CDS2: variants seen among roughly 807,000 people sequenced by gnomAD.
CDS2 encodes phosphatidate cytidylyltransferase 2.
Under a neutral mutation model 59.0 loss-of-function variants are expected in CDS2, and 47 were observed. The observed-to-expected ratio is 0.80, with a 90% confidence interval of 0.63 to 1.02. The LOEUF (loss-of-function observed/expected upper bound fraction) is 1.02, where lower values mean the gene tolerates loss of function less well. Among genes scored for constraint, CDS2 ranks in the 50% least tolerant of loss-of-function variants. The pLI is 0.00. For missense variants in CDS2, 356 were observed against 558.9 expected (o/e 0.64, Z 3.66); for synonymous variants, 207 against 206.4 (o/e 1.00, Z -0.02).
rs563423172 is a variant in CDS2 at position 5,147,839 on chromosome 20, C to T, written c.57+20690C>T. 2.0e-4 allele frequency among the ~76,000 whole-genome samples: 31 copies of T among 152,238 alleles called. No homozygotes were observed. The South Asian group carries it at 3.3e-3, about 16-fold the overall frequency. On this transcript the variant is annotated intron_variant, in intron 1 of 12. Transcript: ENST00000460006. ...GACTATAGTGGCACACCATTGCACC[C>T]GGCAGGGCACACTTTTCTAAAAGTA...
At chr20:5,186,050 A>G (rs983931860) in intron 9 of CDS2, among the ~76,000 whole-genome samples, 12 of 152,248 alleles carry the variant, frequency 7.9e-5, no homozygotes, top group African/African-American at 2.9e-4. Context: ...GCGCCCAGGC[A>G]TGGTGACATC....
chr20:5,135,299 T>C (rs1396083027), intron 1 of CDS2, among the ~76,000 whole-genome samples: 3 of 152,214 alleles, frequency 2.0e-5, no homozygotes, highest in Admixed American at 1.3e-4. Context: ...TTACTGTTTC[T>C]GGTTTTCACA....
chr20:5,184,015 G>A lies in CDS2; in HGVS notation c.672-843G>A, dbSNP rs931964224. 1.3e-5 allele frequency among the ~76,000 whole-genome samples: 2 copies of A among 152,098 alleles called. No homozygotes were observed. The highest frequency in any genetic ancestry group is 4.8e-5 in the African/African-American group (2 of 41,418). The stretch of plus-strand genomic sequence containing the variant: ...CTACTAAAAATACAAAAAAATAGCT[G>A]GTGTGGTGGCGTGGCAGGTGCCTGT... On this transcript the variant is annotated intron_variant, in intron 7 of 12. Transcript: ENST00000460006. The surrounding 1 kb of genome is among the most constrained non-coding windows in gnomAD (Gnocchi z 4.3).
intron 1 of CDS2, among the ~76,000 whole-genome samples, chr20:5,171,776 C>T (rs945949753): frequency 8.5e-5 from 13 of 152,112 alleles, no homozygotes; most frequent in African/African-American, 2.9e-4. Context: ...AAGGTGAAGA[C>T]GCCAAAGTAC....
In CDS2 at chr20:5,195,959, TG is replaced by T. The variant is rs576116591; in HGVS notation, c.*5729del. On this transcript the variant is annotated 3_prime_UTR_variant, in exon 13 of 13. Coordinates refer to ENST00000460006, the MANE Select transcript of CDS2 (RefSeq NM_003818.4). Reference sequence around the variant, plus strand: ...AGTTTTCTGAATGGGGGTGGGGAGTTGGGGCACGTGTGTGTAAGGGGAGGCT... The same window carrying T: ...AGTTTTCTGAATGGGGGTGGGGAGTTGGGCACGTGTGTGTAAGGGGAGGCT... The T allele has an allele frequency of 2.6e-5, 4 of 151,678 alleles. No individual in the cohort carries two copies. Among genetic ancestry groups the T allele is most frequent in the African/African-American group, 9.7e-5 (4 of 41,274 alleles). The allele number at this position is 151,678 out of a possible 1,614,324, so 9.4% of individuals were successfully genotyped here.
intron 1 of CDS2, among the ~76,000 whole-genome samples, chr20:5,146,141 T>C (rs1214614880): frequency 1.3e-5 from 2 of 152,208 alleles, no homozygotes; most frequent in African/African-American, 4.8e-5. Context: ...GAAACTGAGC[T>C]GGCATTACAA....
At chr20:5,178,213 G>A (rs1045444162) in intron 4 of CDS2, among the ~76,000 whole-genome samples, 2 of 152,228 alleles carry the variant, frequency 1.3e-5, no homozygotes, top group African/African-American at 4.8e-5. Context: ...CCAGGCTTCA[G>A]AGAGGCAGAT....
At chr20:5,158,025 G>GT (rs1160719464) in intron 1 of CDS2, among the ~76,000 whole-genome samples, 4 of 152,140 alleles carry the variant, frequency 2.6e-5, no homozygotes, top group East Asian at 1.9e-4. Flanking sequence ...AACATTATGA[G>GT]TTTTTTGTTT....
At chr20:5,166,687 AAG>A (rs1172997590) in intron 1 of CDS2, among the ~76,000 whole-genome samples, 2 of 152,122 alleles carry the variant, frequency 1.3e-5, no homozygotes, top group Non-Finnish European at 2.9e-5. Context: ...AAGCCAGAGG[AAG>A]AGTGTTTTTC....
chr20:5,157,223 C>A (rs191640568), intron 1 of CDS2, among the ~76,000 whole-genome samples: 3 of 152,106 alleles, frequency 2.0e-5, no homozygotes, highest in Non-Finnish European at 4.4e-5. Context: ...TTTCAGGAAA[C>A]GGTTTTCTGA....
At chr20:5,180,040 C>T (rs2091022329) in intron 5 of CDS2, among the ~76,000 whole-genome samples, 1 of 152,202 alleles carries the variant, frequency 6.6e-6, no homozygotes, top group Admixed American at 6.5e-5. Flanking sequence ...AGAGAGTATG[C>T]TGCAGACCCC....
In CDS2 at chr20:5,190,220, A is replaced by T. The variant is rs765216963; in HGVS notation, c.1324A>T (p.Thr442Ser). ...LIDKGMLTST[T>S]EDE The stretch of plus-strand genomic sequence containing the variant: ...CGACAAAGGGATGCTGACATCCACC[A>T]CAGAGGACGAGTAGGGGCCACCCAG... Residue 442 changes from threonine (T) to serine (S), a missense_variant, in exon 13 of 13, where the codon ACA becomes TCA. Thr to Ser is a moderately conservative substitution (Grantham distance 58). Transcript: ENST00000460006. 103 of 1,613,816 alleles carry T rather than the reference A, an allele frequency of 6.4e-5. No homozygotes were observed. The highest frequency in any genetic ancestry group is 8.6e-5 in the Non-Finnish European group (101 of 1,179,952).
At chr20:5,163,952 G>A (rs1308114784) in intron 1 of CDS2, among the ~76,000 whole-genome samples, 3 of 151,712 alleles carry the variant, frequency 2.0e-5, no homozygotes, top group African/African-American at 7.3e-5. Flanking sequence ...CACCACGCCT[G>A]GATAATTTTT....
At chr20:5,190,072 T>C in intron 12 of CDS2, 30 bp from the exon 13 acceptor site, 1 of 1,611,300 alleles carries the variant, frequency 6.2e-7, no homozygotes, top group Middle Eastern at 1.7e-4. Context: ...GGGCCCTAGC[T>C]CAGTGCTGTT....
At chr20:5,138,212 A>G (rs778175825) in intron 1 of CDS2, among the ~76,000 whole-genome samples, 192 of 150,912 alleles carry the variant, frequency 1.3e-3, no homozygotes, top group Non-Finnish European at 9.6e-4. Context: ...TCAGCCTCCT[A>G]AAGTGCTGGG....
chr20:5,156,495 G>A (rs1025914179), intron 1 of CDS2, among the ~76,000 whole-genome samples: 1 of 152,094 alleles, frequency 6.6e-6, no homozygotes, highest in Non-Finnish European at 1.5e-5. Flanking sequence ...GAATGGCAGG[G>A]TCAGCTCACT....
At position 5,185,774 on chromosome 20, in the gene CDS2, C is replaced by T; in HGVS notation, c.776C>T (p.Thr259Ile). The change falls in exon 9 of 13, where the codon ACC (threonine) becomes ATC (isoleucine). Residue 259 changes from threonine (T) to isoleucine (I), a missense_variant. Thr to Ile is a moderately conservative substitution (Grantham distance 89). This residue lies in a region of CDS2 where 87 missense variants were observed against 193.3 expected (regional missense o/e 0.45). Coordinates refer to ENST00000460006, the MANE Select transcript of CDS2 (RefSeq NM_003818.4). Reference protein sequence around the residue: ...TPLIKLSPKKTWEGFIGGFFA... With the variant: ...TPLIKLSPKKIWEGFIGGFFA... ...TGTCCACAGCTGTCCCCGAAGAAGACCTGGGAAGGCTTCATTGGGGGCTTC... is the reference window on the plus strand; with the variant it reads ...TGTCCACAGCTGTCCCCGAAGAAGATCTGGGAAGGCTTCATTGGGGGCTTC... The T allele has an allele frequency of 6.2e-7, 1 of 1,614,204 alleles. No individual in the cohort carries two copies. Among genetic ancestry groups the T allele is most frequent in the Non-Finnish European group, 8.5e-7 (1 of 1,180,014 alleles).
At chr20:5,183,659 GGA>G (rs746580717) in intron 7 of CDS2, among the ~76,000 whole-genome samples, 1 of 152,198 alleles carries the variant, frequency 6.6e-6, no homozygotes, top group Non-Finnish European at 1.5e-5. Context: ...AAGCCAATGA[GGA>G]GAGAGAAGCA....
At chr20:5,164,495 C>T (rs566991152) in intron 1 of CDS2, among the ~76,000 whole-genome samples, 1 of 152,170 alleles carries the variant, frequency 6.6e-6, no homozygotes, top group South Asian at 2.1e-4. Flanking sequence ...GGTTCTACTT[C>T]CTGACAGAGG....
Sources: allele counts gnomAD v4.1 joint callset (sites outside exome capture counted in the v4.1 genomes callset), GRCh38; gene constraint gnomAD v4.1.1; regional missense constraint gnomAD v4.1.1; non-coding constraint Gnocchi (gnomAD v3.1); transcripts MANE v1.5; gene names NCBI Gene and HGNC (gene_info 2026-07-23, HGNC 2026-07-21).